The following SPTB variants were observed in gnomAD, a reference collection of about 807,000 sequenced individuals.
SPTB encodes the protein spectrin beta chain, erythrocytic.
SPTB carries 45 observed loss-of-function variants against 256.2 expected under a neutral mutation model. The ratio of observed to expected loss-of-function variants is 0.18; its 90% confidence interval spans 0.14 to 0.23. SPTB has a LOEUF of 0.23. Among genes scored for constraint, SPTB ranks in the 10% least tolerant of loss-of-function variants. The probability of loss-of-function intolerance (pLI) is 1.00; values close to 1 mark genes in which losing one functional copy is unlikely to be tolerated. For synonymous variants in SPTB, 1,231 were observed against 1,243.1 expected (o/e 0.99, Z 0.21); for missense variants, 2,715 against 3,040.4 (o/e 0.89, Z 2.52).
chr14:64,854,207 AAAACAAAC>A lies in SPTB; in HGVS notation c.-52+25577_-52+25584del, dbSNP rs537716698. 1.2e-4 allele frequency among the ~76,000 whole-genome samples: 18 copies of A among 151,268 alleles called. No homozygotes were observed. In the South Asian group the frequency reaches 3.6e-3, roughly 30 times the overall value. On this transcript the variant is annotated intron_variant, in intron 1 of 35. Coordinates refer to ENST00000644917, the MANE Select transcript of SPTB (RefSeq NM_001355436.2). ...ACTCCGCCTCAAAACAAAACAAAAC[AAAACAAAC>A]AAACAAACAAACAAAAAACCTTATC...
chr14:64,809,814 A>C (rs2083053978), intron 2 of SPTB, among the ~76,000 whole-genome samples: 1 of 152,226 alleles, frequency 6.6e-6, no homozygotes, highest in Non-Finnish European at 1.5e-5. Flanking sequence ...AGTATGCAAA[A>C]TGCATACGAA....
Position 64,785,627 on chromosome 14 carries a change from C to T in SPTB, c.3765G>A (p.Arg1255=). ...GGGCCTTCTCGTTGTTCTTCCTGTG[C>T]CTGGAAAGGAAGCCAAAAGCACAGT... ...IKEKVQLIED[R]HRKNNEKAQE... Residue 1255 remains arginine (R), a splice_region_variant and synonymous_variant, in exon 18 of 36, where the codon AGG becomes AGA. Transcript: ENST00000644917. This position sits in a 1 kb window ranked among gnomAD's most constrained non-coding sequence, Gnocchi z 4.4. 1.2e-6 allele frequency: 2 copies of T among 1,614,110 alleles called. No individual in the cohort carries two copies. Among genetic ancestry groups the T allele is most frequent in the Non-Finnish European group, 1.7e-6 (2 of 1,180,020 alleles).
rs2083719641 is a variant in SPTB, at chr14:64,847,998, C to T, written c.-51-24853G>A. Among the ~76,000 whole-genome samples the T allele has an allele frequency of 6.6e-6, 1 of 152,206 alleles. No individual in the cohort carries two copies. The highest frequency in any genetic ancestry group is 1.9e-4 in the East Asian group (1 of 5,206). On this transcript the variant is annotated intron_variant, in intron 1 of 35. Transcript: ENST00000644917. The surrounding 1 kb of genome is among the most constrained non-coding windows in gnomAD (Gnocchi z 5.9). Reference sequence around the variant, plus strand: ...TATCCTCATATTTATGCTGATCAATCATACAAAGCTGCTTTTCACTGTCTC... The same window carrying T: ...TATCCTCATATTTATGCTGATCAATTATACAAAGCTGCTTTTCACTGTCTC...
In SPTB at chr14:64,758,909, C is replaced by A. The variant is rs1594744327; in HGVS notation, c.6346-5116G>T. 1.3e-5 allele frequency among the ~76,000 whole-genome samples: 2 copies of A among 151,372 alleles called. No individual in the cohort carries two copies. Among genetic ancestry groups the A allele is most frequent in the African/African-American group, 2.4e-5 (1 of 41,082 alleles). On this transcript the variant is annotated intron_variant, in intron 32 of 35. Transcript: ENST00000644917. This position sits in a 1 kb window ranked among gnomAD's most constrained non-coding sequence, Gnocchi z 4.6. ...CTGGGGCCTTTTATTTCTAGCCATG[C>A]CTCTGGGAGGGGTATGTAGGTAGAA...
At chr14:64,797,657 G>A in intron 10 of SPTB, 72 bp downstream of exon 10, 2 of 1,189,948 alleles carry the variant, frequency 1.7e-6, no homozygotes, top group East Asian at 2.3e-5. Context: ...CTGGTCCAAT[G>A]ACCATTCACT....
chr14:64,808,178 A>AT (rs2083020919), intron 2 of SPTB, among the ~76,000 whole-genome samples: 1 of 152,054 alleles, frequency 6.6e-6, no homozygotes, highest in Non-Finnish European at 1.5e-5. Context: ...ACGCCTGGAT[A>AT]TTTTTTGTAT....
At chr14:64,771,162 G>C in intron 26 of SPTB, 33 bp from the exon 27 acceptor site, 1 of 1,611,338 alleles carries the variant, frequency 6.2e-7, no homozygotes, top group Non-Finnish European at 8.5e-7. Context: ...ATTGTTCCCT[G>C]GACATTGCTC....
rs2081980759 is a variant in SPTB at position 64,753,557 on chromosome 14, G to A, written c.6582C>T (p.Pro2194=). ...CTCACCTGTTGGAAGCCTTCTTGTT[G>A]GGCCCCTCCAGGTCATGCTTGCGGC... is the stretch of plus-strand genomic sequence containing the variant. ...YLGRKHDLEG[P]NKKASNRSWN... Residue 2194 remains proline (P), a synonymous_variant, in exon 33 of 36, where the codon CCC becomes CCT. Transcript: ENST00000644917. The A allele has an allele frequency of 1.2e-6, 2 of 1,613,458 alleles. No homozygotes were observed. The highest frequency in any genetic ancestry group is 1.7e-6 in the Non-Finnish European group (2 of 1,180,010).
chr14:64,752,845 T>C (rs1015682029), intron 33 of SPTB, among the ~76,000 whole-genome samples: 1 of 152,108 alleles, frequency 6.6e-6, no homozygotes, highest in Non-Finnish European at 1.5e-5. Context: ...GCTGCCCTAT[T>C]TTCTTGGGAC....
intron 9 of SPTB, among the ~76,000 whole-genome samples, chr14:64,799,308 C>G (rs2082836663): frequency 1.3e-5 from 2 of 152,152 alleles, no homozygotes; most frequent in African/African-American, 4.8e-5. Context: ...TGAGCAGTGA[C>G]AGATGGGAGA....
rs1213572346 is a variant in SPTB, at chr14:64,816,822, TG to T, written c.148+6124del. Reference sequence around the variant, plus strand: ...GGCACCTCCTCAGCCAAGAAGCATGTGGGGGACACATGGGGCAGGGAGAATG... The same window carrying T: ...GGCACCTCCTCAGCCAAGAAGCATGTGGGGACACATGGGGCAGGGAGAATG... On this transcript the variant is annotated intron_variant, in intron 2 of 35. Coordinates refer to ENST00000644917, the MANE Select transcript of SPTB (RefSeq NM_001355436.2). The surrounding 1 kb of genome is among the most constrained non-coding windows in gnomAD (Gnocchi z 4.2). Among the ~76,000 whole-genome samples, 1 of 151,750 alleles carries T rather than the reference TG, an allele frequency of 6.6e-6. No individual in the cohort carries two copies. Among genetic ancestry groups the T allele is most frequent in the Non-Finnish European group, 1.5e-5 (1 of 67,988 alleles).
At position 64,794,511 on chromosome 14, in the gene SPTB, A is replaced by G. The variant is rs758702417; in HGVS notation, c.1751T>C (p.Val584Ala). 3.7e-6 allele frequency: 6 copies of G among 1,614,050 alleles called. No homozygotes were observed. Among genetic ancestry groups the G allele is most frequent in the Non-Finnish European group, 3.4e-6 (4 of 1,180,042 alleles). The change falls in exon 13 of 36, where the codon GTG becomes GCG. Residue 584 changes from valine to alanine, a missense_variant. Around this residue, in one of 4 missense-constraint regions of SPTB, gnomAD observed 2,239 missense variants for 2,384.4 expected, o/e 0.94. Transcript: ENST00000644917. Reference protein sequence around the residue: ...EADIAIQGDKVKAITAATLKF... With the variant: ...EADIAIQGDKAKAITAATLKF... ...CAGGGTGGCTGCGGTGATGGCCTTCACTTTGTCCCCTTGGATGGCGATGTC... is the reference window on the plus strand; with the variant it reads ...CAGGGTGGCTGCGGTGATGGCCTTCGCTTTGTCCCCTTGGATGGCGATGTC...
In SPTB at chr14:64,847,094, G is replaced by C. The variant is rs750095464; in HGVS notation, c.-51-23949C>G. Among the ~76,000 whole-genome samples, 1 of 152,134 alleles carries C rather than the reference G, an allele frequency of 6.6e-6. No homozygotes were observed. The highest frequency in any genetic ancestry group is 2.4e-5 in the African/African-American group (1 of 41,420). The stretch of plus-strand genomic sequence containing the variant: ...TTGTCTATGTGTAGCTCCACCTCGG[G>C]GTGTGATTTCCTCAGTTGTTCACTG... On this transcript the variant is annotated intron_variant, in intron 1 of 35. Transcript: ENST00000644917. The surrounding 1 kb of genome is among the most constrained non-coding windows in gnomAD (Gnocchi z 5.9).
rs2082489935 is a variant in SPTB at position 64,782,488 on chromosome 14, G to A, written c.4068C>T (p.Ala1356=). Residue 1356 remains alanine (A), a synonymous_variant, in exon 20 of 36, where the codon GCC becomes GCT. Coordinates refer to ENST00000644917, the MANE Select transcript of SPTB (RefSeq NM_001355436.2). ...GCAGCTCGTCCCAGAGCCGGTGCAG[G>A]GCTTCCAGCTTTTGGGACACCAGGG... ...FTALVSQKLE[A]LHRLWDELQA... The A allele has an allele frequency of 2.5e-6, 4 of 1,613,976 alleles. No individual in the cohort carries two copies. In the African/African-American group the frequency reaches 5.3e-5, roughly 22 times the overall value.
chr14:64,868,761 T>G (rs1334633689), intron 1 of SPTB, among the ~76,000 whole-genome samples: 1 of 152,190 alleles, frequency 6.6e-6, no homozygotes, highest in Admixed American at 6.5e-5. Flanking sequence ...GGCTATTGCA[T>G]TTGACAATAA....
chr14:64,769,809 C>A (rs2082251210), intron 27 of SPTB, 81 bp from the exon 28 acceptor site: 20 of 1,590,810 alleles, frequency 1.3e-5, no homozygotes, highest in Non-Finnish European at 1.7e-5. Flanking sequence ...AGGGGCCCAC[C>A]TCCCCCTGCC....
intron 32 of SPTB, among the ~76,000 whole-genome samples, chr14:64,762,886 C>T (rs1366242657): frequency 1.3e-5 from 2 of 152,218 alleles, no homozygotes; most frequent in African/African-American, 2.4e-5. Flanking sequence ...TATGTTTATC[C>T]CACACAGTGA....
chr14:64,827,913 A>C lies in SPTB; in HGVS notation c.-51-4768T>G, dbSNP rs565448228. ...ATGGGGTAACGATGTGGCCCAGATA[A>C]GCATGCCACCTATGGGTGACCTTTC... is the stretch of plus-strand genomic sequence containing the variant. On this transcript the variant is annotated intron_variant, in intron 1 of 35. Coordinates refer to ENST00000644917, the MANE Select transcript of SPTB (RefSeq NM_001355436.2). The surrounding 1 kb of genome is among the most constrained non-coding windows in gnomAD (Gnocchi z 4.6). Among the ~76,000 whole-genome samples, 188 of 152,296 alleles carry C rather than the reference A, an allele frequency of 1.2e-3. 1 individual carries two copies. Among genetic ancestry groups the C allele is most frequent in the African/African-American group, 4.2e-3 (176 of 41,552 alleles).
intron 32 of SPTB, among the ~76,000 whole-genome samples, chr14:64,761,851 C>T (rs1337629868): frequency 5.3e-5 from 8 of 152,156 alleles, no homozygotes; most frequent in Admixed American, 5.2e-4. Context: ...CTCCCCCATC[C>T]AGATCTGCCA....
Sources: gnomAD v4.1 joint callset for allele counts (sites outside exome capture counted in the v4.1 genomes callset) on GRCh38, gnomAD v4.1.1 for gene constraint, gnomAD v4.1.1 regional missense constraint, Gnocchi (gnomAD v3.1) non-coding constraint, MANE v1.5 for transcripts, NCBI Gene and HGNC (gene_info 2026-07-23, HGNC 2026-07-21) for gene names.